The following NDRG3 variants were observed in gnomAD, a reference collection of about 807,000 sequenced individuals.
NDRG3 encodes the protein NDRG family member 3.
Under a neutral mutation model 57.2 loss-of-function variants are expected in NDRG3, and 23 were observed. That is an observed-to-expected ratio of 0.40 (90% CI 0.29 to 0.57). The LOEUF (loss-of-function observed/expected upper bound fraction) is 0.57. Ranked by LOEUF, NDRG3 falls within the 20% of genes least tolerant of loss-of-function variation. NDRG3 has a pLI of 0.42. For synonymous variants in NDRG3, 132 were observed against 162.6 expected (o/e 0.81, Z 1.43); for missense variants, 384 against 457.3 (o/e 0.84, Z 1.46).
intron 9 of NDRG3, among the ~76,000 whole-genome samples, chr20:36,670,200 T>C (rs777447506): frequency 5.9e-5 from 9 of 152,152 alleles, no homozygotes; most frequent in Non-Finnish European, 1.0e-4. Flanking sequence ...TGGGTGGTAG[T>C]TACATGAAAC....
At position 36,721,762 on chromosome 20, in the gene NDRG3, T is replaced by C; in HGVS notation, c.-27A>G. ...AGGTCAGATAACGAGAGTAGAGGAA[T>C]CTCAAGAATAAATCAGTAACTCTGA... On this transcript the variant is annotated 5_prime_UTR_variant, in exon 2 of 16. Transcript: ENST00000349004. 6.5e-7 allele frequency: 1 copy of C among 1,537,744 alleles called. No individual in the cohort carries two copies. The highest frequency in any genetic ancestry group is 8.9e-7 in the Non-Finnish European group (1 of 1,119,450).
intron 2 of NDRG3, among the ~76,000 whole-genome samples, chr20:36,712,538 G>C (rs1283795274): frequency 8.8e-6 from 1 of 114,036 alleles, no homozygotes; most frequent in Non-Finnish European, 1.7e-5. Context: ...TGGGACTACT[G>C]GCATGTGCCA....
chr20:36,689,352 T>C (rs1982065587), intron 3 of NDRG3, among the ~76,000 whole-genome samples: 1 of 152,062 alleles, frequency 6.6e-6, no homozygotes, highest in Non-Finnish European at 1.5e-5. Flanking sequence ...TGAGAATACA[T>C]TTGCAATTGG....
At chr20:36,725,653 GAACA>G (rs1403286108) in intron 1 of NDRG3, among the ~76,000 whole-genome samples, 1 of 149,624 alleles carries the variant, frequency 6.7e-6, no homozygotes, top group Non-Finnish European at 1.5e-5. Context: ...ACAGAATAAT[GAACA>G]GATAATTTAC....
At chr20:36,712,942 T>C (rs1397545362) in intron 2 of NDRG3, among the ~76,000 whole-genome samples, 2 of 152,118 alleles carry the variant, frequency 1.3e-5, no homozygotes, top group Non-Finnish European at 2.9e-5. Context: ...TCACCCAGGC[T>C]GGAGTTGCAG....
At chr20:36,710,467 A>G (rs530816459) in intron 2 of NDRG3, among the ~76,000 whole-genome samples, 9 of 152,342 alleles carry the variant, frequency 5.9e-5, no homozygotes, top group Admixed American at 4.6e-4. Flanking sequence ...CTAGAAAAAA[A>G]GGGTCTAGAA....
chr20:36,656,939 C>T (rs943786884), intron 13 of NDRG3, among the ~76,000 whole-genome samples: 1 of 152,218 alleles, frequency 6.6e-6, no homozygotes, highest in African/African-American at 2.4e-5. Flanking sequence ...TGAGTAAGGG[C>T]ACTCTGCCAT....
At chr20:36,723,052 C>T (rs1031155008) in intron 1 of NDRG3, among the ~76,000 whole-genome samples, 8 of 152,138 alleles carry the variant, frequency 5.3e-5, no homozygotes, top group African/African-American at 1.9e-4. Flanking sequence ...ATGAATCCTC[C>T]AGCCCCAGTC....
At chr20:36,710,875 G>A (rs143786370) in intron 2 of NDRG3, among the ~76,000 whole-genome samples, 27 of 151,600 alleles carry the variant, frequency 1.8e-4, no homozygotes, top group African/African-American at 6.5e-4. Context: ...ATCTACTTGG[G>A]AGGCTCAGGC....
intron 3 of NDRG3, among the ~76,000 whole-genome samples, chr20:36,694,865 C>G (rs1982640903): frequency 6.6e-6 from 1 of 152,106 alleles, no homozygotes; most frequent in South Asian, 2.1e-4. Flanking sequence ...TCAAGCAATT[C>G]TCCCACCTCA....
intron 1 of NDRG3, among the ~76,000 whole-genome samples, chr20:36,733,166 AAAAAAATATATATATATATATATAT>A (rs11467095): frequency 0.34 from 26,260 of 77,574 alleles, 3,790 homozygotes; most frequent in African/African-American, 0.41. Context: ...AAAAAAAAAA[AAAAAAATATATATATATATATATAT>A]ATATATATAT....
At chr20:36,700,487 G>GA (rs35039348) in intron 3 of NDRG3, 1 of 531,872 alleles carries the variant, frequency 1.9e-6, no homozygotes, top group African/African-American at 1.9e-5. Flanking sequence ...TGAACAGCTT[G>GA]AAAAAAACTC....
At chr20:36,724,882 T>G (rs1410614702) in intron 1 of NDRG3, among the ~76,000 whole-genome samples, 1 of 152,096 alleles carries the variant, frequency 6.6e-6, no homozygotes, top group South Asian at 2.1e-4. Context: ...TGAGCCAAGA[T>G]CTGTCAACTG....
intron 1 of NDRG3, among the ~76,000 whole-genome samples, chr20:36,723,659 A>AATGTGTGTGTGTGTGT (rs74173994): frequency 7.5e-6 from 1 of 132,934 alleles, no homozygotes; most frequent in African/African-American, 2.8e-5. Context: ...ATATTAGTCT[A>AATGTGTGTGTGTGTGT]GTGTGTGTGT....
intron 1 of NDRG3, among the ~76,000 whole-genome samples, chr20:36,726,253 G>T (rs951012803): frequency 6.6e-6 from 1 of 152,034 alleles, no homozygotes; most frequent in African/African-American, 2.4e-5. Context: ...GAAGAAAAAT[G>T]CAATTTTTAC....
At position 36,682,511 on chromosome 20, in the gene NDRG3, T is replaced by C. The variant is rs766601641; in HGVS notation, c.444+7A>G. 1.2e-6 allele frequency: 2 copies of C among 1,612,792 alleles called. No homozygotes were observed. Among genetic ancestry groups the C allele is most frequent in the Non-Finnish European group, 1.7e-6 (2 of 1,178,806 alleles). ...AGGATGTTGAGGCTAATCCTCTACATACTTACTGCAAATCTGCTGAGGATG... is the reference window on the plus strand; with the variant it reads ...AGGATGTTGAGGCTAATCCTCTACACACTTACTGCAAATCTGCTGAGGATG... On this transcript the variant is annotated splice_region_variant and intron_variant, in intron 7 of 15. Transcript: ENST00000349004.
At chr20:36,738,188 A>G (rs1985706378) in intron 1 of NDRG3, among the ~76,000 whole-genome samples, 1 of 152,158 alleles carries the variant, frequency 6.6e-6, no homozygotes, top group Admixed American at 6.6e-5. Context: ...TGGACTAATC[A>G]TCCAAAGTTA....
chr20:36,721,875 A>T, intron 1 of NDRG3, 92 bp from the exon 2 acceptor site: 2 of 623,716 alleles, frequency 3.2e-6, no homozygotes, highest in Non-Finnish European at 5.6e-6. Context: ...CAAATATGAG[A>T]CTTACTCTGT....
At chr20:36,711,585 A>G (rs1199284222) in intron 2 of NDRG3, among the ~76,000 whole-genome samples, 1 of 152,186 alleles carries the variant, frequency 6.6e-6, no homozygotes, top group Non-Finnish European at 1.5e-5. Context: ...GGCATTCTGT[A>G]AAGCCCTCGG....
Sources: allele counts gnomAD v4.1 joint callset (sites outside exome capture counted in the v4.1 genomes callset), GRCh38; gene constraint gnomAD v4.1.1; transcripts MANE v1.5; gene names NCBI Gene and HGNC (gene_info 2026-07-23, HGNC 2026-07-21).